NCOA7: variants seen among roughly 807,000 people sequenced by gnomAD.
NCOA7 encodes nuclear receptor coactivator 7.
Under a neutral mutation model 104.3 loss-of-function variants are expected in NCOA7, and 45 were observed. That is an observed-to-expected ratio of 0.43 (90% CI 0.34 to 0.55). The LOEUF (loss-of-function observed/expected upper bound fraction) is 0.55. Among genes scored for constraint, NCOA7 ranks in the 20% least tolerant of loss-of-function variants. NCOA7 has a pLI of 0.02. For missense variants in NCOA7, 1,041 were observed against 1,119.7 expected (o/e 0.93, Z 1.00); for synonymous variants, 398 against 402.3 (o/e 0.99, Z 0.13).
chr6:125,915,277 G>A (rs1786956968), intron 10 of NCOA7, 56 bp from the exon 11 acceptor site: 9 of 1,602,146 alleles, frequency 5.6e-6, no homozygotes, highest in Non-Finnish European at 6.8e-6. Context: ...GTCCACACTA[G>A]CACCTGCCAA....
Position 125,890,701 on chromosome 6 carries a change from G to T in NCOA7, c.1987G>T (p.Val663Leu). 1 of 1,613,826 alleles carries T rather than the reference G, an allele frequency of 6.2e-7. No homozygotes were observed. Among genetic ancestry groups the T allele is most frequent in the South Asian group, 1.1e-5 (1 of 91,056 alleles). Reference protein sequence around the residue: ...KTPPMFLCIKVGKPMRKSFAT... With the variant: ...KTPPMFLCIKLGKPMRKSFAT... ...CCCACCCATGTTCCTGTGCATCAAA[G>T]TGGGAAAACCAATGAGAAAATCCTT... Residue 663 changes from valine to leucine, a missense_variant, in exon 10 of 16, where the codon GTG (valine) becomes TTG (leucine). Physicochemically the swap from Val to Leu is conservative, Grantham distance 32. Around this residue, in one of 2 missense-constraint regions of NCOA7, gnomAD observed 914 missense variants for 942.7 expected, o/e 0.97. Transcript: ENST00000392477.
chr6:125,886,445 T>C (rs1784270048), intron 8 of NCOA7, among the ~76,000 whole-genome samples: 1 of 152,224 alleles, frequency 6.6e-6, no homozygotes. Context: ...TATTAAGTAT[T>C]CTATTTAATA....
chr6:125,919,997 G>A (rs976472933), intron 11 of NCOA7, among the ~76,000 whole-genome samples: 2 of 152,106 alleles, frequency 1.3e-5, no homozygotes, highest in Admixed American at 1.3e-4. Context: ...TACACAAAAG[G>A]CCAAGAAGCC....
At chr6:125,901,581 G>T (rs993631606) in intron 10 of NCOA7, among the ~76,000 whole-genome samples, 1 of 152,198 alleles carries the variant, frequency 6.6e-6, no homozygotes, top group Non-Finnish European at 1.5e-5. Context: ...AATGAACCCT[G>T]TACCAGCCCA....
At chr6:125,848,567 G>A (rs1352026639) in intron 2 of NCOA7, among the ~76,000 whole-genome samples, 2 of 152,018 alleles carry the variant, frequency 1.3e-5, no homozygotes, top group Non-Finnish European at 2.9e-5. Context: ...ACCAAACACC[G>A]AATGTTCTCA....
intron 1 of NCOA7, among the ~76,000 whole-genome samples, chr6:125,799,405 A>G (rs541025317): frequency 6.6e-6 from 1 of 151,888 alleles, no homozygotes; most frequent in African/African-American, 2.4e-5. Flanking sequence ...TGTGCCACAA[A>G]TGAACTAAAT....
chr6:125,908,382 G>A (rs1403779535), intron 10 of NCOA7, among the ~76,000 whole-genome samples: 1 of 152,176 alleles, frequency 6.6e-6, no homozygotes, highest in East Asian at 1.9e-4. Flanking sequence ...AGCACACCAT[G>A]CCTCAATTTG....
chr6:125,887,183 G>A (rs1178765455), intron 8 of NCOA7, among the ~76,000 whole-genome samples: 3 of 152,164 alleles, frequency 2.0e-5, no homozygotes, highest in Non-Finnish European at 2.9e-5. Flanking sequence ...TGCAGTTGAA[G>A]GTATTTTTGT....
At chr6:125,881,344 C>A in intron 6 of NCOA7, 141 bp downstream of exon 6, 2 of 693,036 alleles carry the variant, frequency 2.9e-6, no homozygotes, top group Non-Finnish European at 4.9e-6. Context: ...AATGCATCCT[C>A]TCCAAGGGAA....
chr6:125,911,278 C>T (rs1271358964), intron 10 of NCOA7, among the ~76,000 whole-genome samples: 1 of 152,240 alleles, frequency 6.6e-6, no homozygotes, highest in East Asian at 1.9e-4. Context: ...AAGGAGCCAG[C>T]AAGTCTAGAC....
chr6:125,927,617 G>A (rs762603684), intron 13 of NCOA7, 46 bp from the exon 14 acceptor site: 2 of 1,402,550 alleles, frequency 1.4e-6, no homozygotes, highest in Non-Finnish European at 2.0e-6. Context: ...CTTGCTTTGG[G>A]GATTTAGGTT....
chr6:125,928,220 T>C lies in NCOA7; in HGVS notation c.2666T>C (p.Ile889Thr). Residue 889 changes from isoleucine (I) to threonine (T), a missense_variant, in exon 15 of 16, where the codon ATA becomes ACA. By Grantham distance (89) the Ile-to-Thr change is moderately conservative (BLOSUM62 -1). Coordinates refer to ENST00000392477, the MANE Select transcript of NCOA7 (RefSeq NM_181782.5). Reference protein sequence around the residue: ...GENSYFINGDISSLELGGGGG... With the variant: ...GENSYFINGDTSSLELGGGGG... ...AATTCATACTTTATCAATGGAGACA[T>C]AAGTTCTTTAGAACTTGGTGGTGGA... 1 of 1,612,732 alleles carries C rather than the reference T, an allele frequency of 6.2e-7. No homozygotes were observed. The highest frequency in any genetic ancestry group is 8.5e-7 in the Non-Finnish European group (1 of 1,179,784).
chr6:125,931,378 C>T lies in NCOA7; in HGVS notation c.*2607C>T, dbSNP rs576157601. 3.9e-5 allele frequency: 6 copies of T among 152,308 alleles called. No homozygotes were observed. Among genetic ancestry groups the T allele is most frequent in the Admixed American group, 2.0e-4 (3 of 15,306 alleles). 9.4% of individuals were successfully genotyped at this position (152,308 alleles called of 1,614,324 possible). A position where few individuals can be genotyped will look rare whatever the true frequency, so the allele number is the denominator to read the frequency against. On this transcript the variant is annotated 3_prime_UTR_variant, in exon 16 of 16. Coordinates refer to ENST00000392477, the MANE Select transcript of NCOA7 (RefSeq NM_181782.5). ...ATCTTTCTAGCTGTGCAATGAATGA[C>T]AACCTCCTCCTCTTAACATCTGTCT...
chr6:125,844,793 T>A (rs538533496), intron 2 of NCOA7, among the ~76,000 whole-genome samples: 1 of 152,318 alleles, frequency 6.6e-6, no homozygotes, highest in African/African-American at 2.4e-5. Context: ...TTGTGTTAAA[T>A]ATGTTGTGCT....
At chr6:125,835,797 G>A (rs9321057) in intron 2 of NCOA7, among the ~76,000 whole-genome samples, 45,208 of 152,078 alleles carry the variant, frequency 0.3, 8,205 homozygotes, top group East Asian at 0.49. Context: ...TACAGAATAA[G>A]GAATAGATTG....
chr6:125,819,551 A>G (rs625521), intron 2 of NCOA7, among the ~76,000 whole-genome samples: 90,220 of 152,046 alleles, frequency 0.59, 30,141 homozygotes, highest in East Asian at 0.86. Context: ...GGTTTTGCAA[A>G]TAATTTATAT....
chr6:125,908,641 C>G (rs1332689055), intron 10 of NCOA7, among the ~76,000 whole-genome samples: 1 of 152,184 alleles, frequency 6.6e-6, no homozygotes, highest in Non-Finnish European at 1.5e-5. Context: ...GACCTACTAC[C>G]CCATCCACCT....
intron 3 of NCOA7, among the ~76,000 whole-genome samples, chr6:125,871,556 G>A (rs751208762): frequency 1.3e-5 from 2 of 152,186 alleles, no homozygotes; most frequent in Non-Finnish European, 2.9e-5. Flanking sequence ...TCTCTATTGA[G>A]CCAACTGTAA....
At chr6:125,805,334 A>G (rs1776345607) in intron 1 of NCOA7, among the ~76,000 whole-genome samples, 2 of 151,964 alleles carry the variant, frequency 1.3e-5, no homozygotes, top group African/African-American at 4.8e-5. Flanking sequence ...ACCTCAGGTG[A>G]TCCACCCGCC....
Sources: allele counts gnomAD v4.1 joint callset (sites outside exome capture counted in the v4.1 genomes callset), GRCh38; gene constraint gnomAD v4.1.1; regional missense constraint gnomAD v4.1.1; transcripts MANE v1.5; gene names NCBI Gene and HGNC (gene_info 2026-07-23, HGNC 2026-07-21).